The following BTAF1 variants were observed in gnomAD, a reference collection of about 807,000 sequenced individuals.
The protein encoded by BTAF1 is B-TFIID TATA-box binding protein associated factor 1, also known as TATA-binding protein-associated factor 172.
BTAF1 carries 38 observed loss-of-function variants against 227.1 expected under a neutral mutation model. That is an observed-to-expected ratio of 0.17 (90% confidence interval 0.13 to 0.22). BTAF1 has a LOEUF of 0.22. Among genes scored for constraint, BTAF1 ranks in the 10% least tolerant of loss-of-function variants. BTAF1 has a pLI of 1.00. For missense variants in BTAF1, 1,598 were observed against 2,204.0 expected (o/e 0.73, Z 5.51); for synonymous variants, 742 against 751.9 (o/e 0.99, Z 0.21).
chr10:91,976,049 G>A (rs1365591078), intron 14 of BTAF1, among the ~76,000 whole-genome samples: 1 of 152,170 alleles, frequency 6.6e-6, no homozygotes, highest in African/African-American at 2.4e-5. Context: ...TGGACCTTCC[G>A]TACTTCTGAC....
chr10:91,994,182 C>T (rs1045558015), intron 22 of BTAF1, among the ~76,000 whole-genome samples: 2 of 152,030 alleles, frequency 1.3e-5, no homozygotes, highest in African/African-American at 4.8e-5. Context: ...GGCGTGTAGT[C>T]CCAGCTACTC....
Position 92,030,992 on chromosome 10 carries a change from A to G in BTAF1, c.*2059A>G, listed in dbSNP as rs1851859852. Among the ~76,000 whole-genome samples the G allele has an allele frequency of 6.6e-6, 1 of 152,186 alleles. No individual in the cohort carries two copies. Among genetic ancestry groups the G allele is most frequent in the Non-Finnish European group, 1.5e-5 (1 of 68,026 alleles). On this transcript the variant is annotated 3_prime_UTR_variant, in exon 38 of 38. Transcript: ENST00000265990. Reference sequence around the variant, plus strand: ...TGAATGATATTAAAGAACTGCTGTCAATTTCATGGATGTGATGATTTGGTA... The same window carrying G: ...TGAATGATATTAAAGAACTGCTGTCGATTTCATGGATGTGATGATTTGGTA...
chr10:91,990,500 A>C (rs1288952813), intron 20 of BTAF1, among the ~76,000 whole-genome samples: 1 of 152,224 alleles, frequency 6.6e-6, no homozygotes, highest in Non-Finnish European at 1.5e-5. Flanking sequence ...ATTTTTTAAA[A>C]AGTAATAGGC....
chr10:91,946,843 T>C (rs548352041), intron 4 of BTAF1, among the ~76,000 whole-genome samples: 1 of 152,116 alleles, frequency 6.6e-6, no homozygotes, highest in Non-Finnish European at 1.5e-5. Context: ...TCTTTTTCTT[T>C]TCTTTTTTTT....
intron 16 of BTAF1, 87 bp from the exon 17 acceptor site, chr10:91,981,996 A>G: frequency 2.1e-6 from 3 of 1,446,442 alleles, no homozygotes; most frequent in Non-Finnish European, 2.8e-6. Context: ...TTTTACTGGG[A>G]TTATTTTAAA....
chr10:91,961,977 A>G (rs960515454), intron 11 of BTAF1, among the ~76,000 whole-genome samples: 1 of 152,194 alleles, frequency 6.6e-6, no homozygotes, highest in African/African-American at 2.4e-5. Flanking sequence ...TCTTACGTAT[A>G]AAACATGTTT....
rs760325397 is a variant in BTAF1 at position 91,959,861 on chromosome 10, G to A, written c.1067G>A (p.Gly356Glu). 3.1e-6 allele frequency: 5 copies of A among 1,610,082 alleles called. No individual in the cohort carries two copies. The highest frequency in any genetic ancestry group is 4.2e-6 in the Non-Finnish European group (5 of 1,178,736). The stretch of plus-strand genomic sequence containing the variant: ...TGTGTTTTTGCATTAGACAGATTTG[G>A]AGACTTTGTTTCTGATGAAGTAAGT... ...LLCVFALDRF[G>E]DFVSDEVVAP... The change falls in exon 10 of 38, where the codon GGA (glycine) becomes GAA (glutamate). Residue 356 changes from glycine to glutamate, a missense_variant. Gly to Glu is a moderately conservative substitution (Grantham distance 98, BLOSUM62 -2). Around this residue, in one of 10 missense-constraint regions of BTAF1, gnomAD observed 13 missense variants for 45.2 expected, o/e 0.29. Transcript: ENST00000265990.
At chr10:92,017,142 A>G (rs1160285893) in intron 33 of BTAF1, among the ~76,000 whole-genome samples, 1 of 152,208 alleles carries the variant, frequency 6.6e-6, no homozygotes, top group East Asian at 1.9e-4. Flanking sequence ...GGTATATATT[A>G]TGTGTAAGAC....
intron 19 of BTAF1, among the ~76,000 whole-genome samples, chr10:91,985,278 T>C (rs1240310298): frequency 6.7e-6 from 1 of 149,572 alleles, no homozygotes; most frequent in Non-Finnish European, 1.5e-5. Context: ...GAATGGTATT[T>C]TTGAAACTAA....
intron 13 of BTAF1, among the ~76,000 whole-genome samples, chr10:91,965,850 A>G (rs1423020716): frequency 6.6e-6 from 1 of 152,228 alleles, no homozygotes; most frequent in Non-Finnish European, 1.5e-5. Flanking sequence ...CCTGCAAGTA[A>G]TGAAAATAGT....
At chr10:92,026,856 A>C in intron 36 of BTAF1, 105 bp downstream of exon 36, 1 of 1,242,846 alleles carries the variant, frequency 8.0e-7, no homozygotes, top group Non-Finnish European at 1.1e-6. Flanking sequence ...GTTAACATAC[A>C]TGTGTTATGA....
intron 14 of BTAF1, among the ~76,000 whole-genome samples, chr10:91,968,519 A>T (rs1847080155): frequency 6.6e-6 from 1 of 152,112 alleles, no homozygotes. Context: ...GCAGGTTCTT[A>T]TGTGGGCATT....
At position 92,018,785 on chromosome 10, in the gene BTAF1, A is replaced by G. The variant is rs753829948; in HGVS notation, c.4713A>G (p.Ala1571=). The G allele has an allele frequency of 6.5e-7, 1 of 1,538,702 alleles. No homozygotes were observed. Among genetic ancestry groups the G allele is most frequent in the Non-Finnish European group, 8.7e-7 (1 of 1,146,038 alleles). ...KLKATGHVFQ[A]LQYLRKLCNH... is the part of the protein sequence containing the mutation. ...ATACTTTTTTTTTCCTCTTGAAGGC[A>G]TTACAGTACTTACGTAAACTGTGCA... The change falls in exon 34 of 38, where the codon GCA becomes GCG. Residue 1571 remains alanine, a splice_region_variant and synonymous_variant. Coordinates refer to ENST00000265990, the MANE Select transcript of BTAF1 (RefSeq NM_003972.3).
intron 4 of BTAF1, among the ~76,000 whole-genome samples, chr10:91,946,223 G>C (rs940920909): frequency 6.6e-6 from 1 of 152,198 alleles, no homozygotes; most frequent in African/African-American, 2.4e-5. Context: ...GCCAGGCGTG[G>C]TGACGCATGC....
intron 30 of BTAF1, among the ~76,000 whole-genome samples, chr10:92,012,115 TGTCCCCCCTCTCTCCCATCCC>T: frequency 2.2e-5 from 1 of 45,050 alleles, no homozygotes; most frequent in Non-Finnish European, 4.1e-5. Context: ...CCTCCCCTCC[TGTCCCCCCTCTCTCCCATCCC>T]CTCCTCCCCT....
At chr10:91,956,755 C>T (rs538481259) in intron 7 of BTAF1, 98 bp downstream of exon 7, 42 of 1,321,904 alleles carry the variant, frequency 3.2e-5, no homozygotes, top group Non-Finnish European at 3.8e-5. Context: ...TTTGGGAGGT[C>T]GAGGCGGGCG....
At position 92,008,924 on chromosome 10, in the gene BTAF1, C is replaced by T. The variant is rs370301282; in HGVS notation, c.3909C>T (p.Cys1303=). Residue 1303 remains cysteine (C), a synonymous_variant, in exon 27 of 38, where the codon TGC becomes TGT. Coordinates refer to ENST00000265990, the MANE Select transcript of BTAF1 (RefSeq NM_003972.3). ...TAGGAAAAACTTTACAGTCCATCTGCATTCTAGCAGGAGATCATTGTCATA... is the reference window on the plus strand; with the variant it reads ...TAGGAAAAACTTTACAGTCCATCTGTATTCTAGCAGGAGATCATTGTCATA... ...MGLGKTLQSI[C]ILAGDHCHRA... 1.2e-5 allele frequency: 19 copies of T among 1,613,758 alleles called. No individual in the cohort carries two copies. Among genetic ancestry groups the T allele is most frequent in the East Asian group, 8.9e-5 (4 of 44,862 alleles).
In BTAF1 at chr10:91,962,691, T is replaced by C; in HGVS notation, c.1404+13T>C. 1 of 1,577,124 alleles carries C rather than the reference T, an allele frequency of 6.3e-7. No individual in the cohort carries two copies. Among genetic ancestry groups the C allele is most frequent in the Non-Finnish European group, 8.6e-7 (1 of 1,164,174 alleles). On this transcript the variant is annotated intron_variant, in intron 12 of 37. Coordinates refer to ENST00000265990, the MANE Select transcript of BTAF1 (RefSeq NM_003972.3). ...TCAGACACAAAAGGTAAATTAAATA[T>C]TTTTACAGTTTCTTACTATAGAGCT... is the stretch of plus-strand genomic sequence containing the variant.
At chr10:91,962,755 G>T in intron 12 of BTAF1, 77 bp downstream of exon 12, 4 of 1,330,750 alleles carry the variant, frequency 3.0e-6, no homozygotes, top group South Asian at 1.7e-5. Context: ...AAAATACATT[G>T]TGTACATTTT....
Sources: gnomAD v4.1 joint callset for allele counts (sites outside exome capture counted in the v4.1 genomes callset) on GRCh38, gnomAD v4.1.1 for gene constraint, gnomAD v4.1.1 regional missense constraint, MANE v1.5 for transcripts, NCBI Gene and HGNC (gene_info 2026-07-23, HGNC 2026-07-21) for gene names.